Variants in SLC25A40 observed in about 807,000 individuals in gnomAD.
SLC25A40 encodes the protein mitochondrial glutathione transporter SLC25A40.
Under a neutral mutation model 46.5 loss-of-function variants are expected in SLC25A40, and 41 were observed. The observed-to-expected ratio is 0.88, with a 90% CI of 0.69 to 1.14. The LOEUF (loss-of-function observed/expected upper bound fraction) is 1.14, where lower values mean the gene tolerates loss of function less well. SLC25A40 is among the 50% of genes most tolerant of loss of function. The probability of loss-of-function intolerance (pLI) is 0.00; values close to 1 mark genes in which losing one functional copy is unlikely to be tolerated. For synonymous variants in SLC25A40, 126 were observed against 127.5 expected (o/e 0.99, Z 0.08); for missense variants, 386 against 393.6 (o/e 0.98, Z 0.16).
chr7:87,844,012 T>G (rs1002657545), intron 8 of SLC25A40, 149 bp from the exon 9 acceptor site: 26 of 1,314,124 alleles, frequency 2.0e-5, no homozygotes, highest in Non-Finnish European at 2.5e-5. Flanking sequence ...AGGGTGGGAT[T>G]TCTTTTTTTA....
chr7:87,843,117 T>C (rs79526905), intron 9 of SLC25A40, among the ~76,000 whole-genome samples: 2,688 of 152,136 alleles, frequency 0.018, 60 homozygotes, highest in African/African-American at 0.061. Flanking sequence ...TGTGTTATTG[T>C]CTCACTACAA....
chr7:87,861,662 G>A lies in SLC25A40; in HGVS notation c.-93-1022C>T, dbSNP rs1838700675. On this transcript the variant is annotated intron_variant, in intron 1 of 11. Transcript: ENST00000341119. The stretch of plus-strand genomic sequence containing the variant: ...ATATTTGTAACATTCATTTAAATGA[G>A]CTCCTTTAAGTGGAAAAATAATATA... Among the ~76,000 whole-genome samples the A allele has an allele frequency of 2.0e-5, 3 of 152,152 alleles. No homozygotes were observed. In the South Asian group the frequency reaches 6.2e-4, roughly 32 times the overall value.
chr7:87,835,102 A>G lies in SLC25A40; in HGVS notation c.*1147T>C, dbSNP rs1027481974. The G allele has an allele frequency of 4.6e-5, 7 of 151,454 alleles. No individual in the cohort carries two copies. Among genetic ancestry groups the G allele is most frequent in the Admixed American group, 3.3e-4 (5 of 15,152 alleles). 9.4% of individuals were successfully genotyped at this position (151,454 alleles called of 1,614,324 possible). On this transcript the variant is annotated 3_prime_UTR_variant, in exon 12 of 12. Transcript: ENST00000341119. Reference sequence around the variant, plus strand: ...TTAGTGCTTTAAAAAATATATATATATAGGATATAGATCCTAAGAAAATAA... The same window carrying G: ...TTAGTGCTTTAAAAAATATATATATGTAGGATATAGATCCTAAGAAAATAA...
intron 1 of SLC25A40, among the ~76,000 whole-genome samples, chr7:87,868,244 G>C (rs151026676): frequency 1.9e-4 from 29 of 152,270 alleles, no homozygotes; most frequent in African/African-American, 7.0e-4. Context: ...CTGTGCACTT[G>C]GTGCCAGAAG....
At position 87,835,760 on chromosome 7, in the gene SLC25A40, G is replaced by C. The variant is rs1210191524; in HGVS notation, c.*489C>G. On this transcript the variant is annotated 3_prime_UTR_variant, in exon 12 of 12. Transcript: ENST00000341119. ...AATGCATTTGAATTAAAGGAAACAG[G>C]CAATATTTGGTCGATGTAAACAATG... is the stretch of plus-strand genomic sequence containing the variant. The C allele has an allele frequency of 1.3e-5, 2 of 152,074 alleles. No homozygotes were observed. The highest frequency in any genetic ancestry group is 4.1e-4 in the South Asian group (2 of 4,848). 9.4% of individuals were successfully genotyped at this position (152,074 alleles called of 1,614,324 possible). A position where few individuals can be genotyped will look rare whatever the true frequency, so the allele number is the denominator to read the frequency against.
intron 1 of SLC25A40, among the ~76,000 whole-genome samples, chr7:87,871,420 C>G (rs887415708): frequency 7.2e-5 from 11 of 152,212 alleles, no homozygotes; most frequent in Admixed American, 1.3e-4. Flanking sequence ...AATGCAACCT[C>G]AGCCAACACC....
intron 1 of SLC25A40, among the ~76,000 whole-genome samples, chr7:87,873,463 C>T (rs1051758389): frequency 7.9e-5 from 11 of 138,640 alleles, no homozygotes; most frequent in Middle Eastern, 4.3e-3. Flanking sequence ...GAGGGAGTCT[C>T]GCTCTGTTGC....
intron 5 of SLC25A40, among the ~76,000 whole-genome samples, chr7:87,850,642 C>T (rs1374183580): frequency 6.6e-6 from 1 of 151,964 alleles, no homozygotes; most frequent in Non-Finnish European, 1.5e-5. Context: ...GTGACGCACT[C>T]CTGTGGTCCC....
intron 5 of SLC25A40, among the ~76,000 whole-genome samples, chr7:87,853,543 A>C (rs1838552531): frequency 6.6e-6 from 1 of 151,704 alleles, no homozygotes; most frequent in Non-Finnish European, 1.5e-5. Context: ...TCTGGAAAAA[A>C]CTCTGAAAAT....
At chr7:87,871,706 T>C (rs1838898620) in intron 1 of SLC25A40, among the ~76,000 whole-genome samples, 1 of 152,232 alleles carries the variant, frequency 6.6e-6, no homozygotes. Context: ...TTGGTTTTCA[T>C]TTGTTAAATT....
chr7:87,866,410 T>C (rs12538627), intron 1 of SLC25A40, among the ~76,000 whole-genome samples: 4,084 of 152,328 alleles, frequency 0.027, 121 homozygotes, highest in East Asian at 0.092. Context: ...TGTTGCCAGA[T>C]GAATTGGAGT....
At position 87,865,187 on chromosome 7, in the gene SLC25A40, C is replaced by T. The variant is rs570704496; in HGVS notation, c.-93-4547G>A. Among the ~76,000 whole-genome samples the T allele has an allele frequency of 1.2e-4, 18 of 151,928 alleles. No homozygotes were observed. In the South Asian group the frequency reaches 3.3e-3, roughly 28 times the overall value. On this transcript the variant is annotated intron_variant, in intron 1 of 11. Transcript: ENST00000341119. ...TTAGTGTATCTACAATAAGTTTTTC[C>T]ATTGTGGTTGGCATGAATTTTAAAA...
intron 1 of SLC25A40, among the ~76,000 whole-genome samples, chr7:87,875,728 A>G (rs148820288): frequency 3.9e-5 from 6 of 152,354 alleles, no homozygotes; most frequent in Non-Finnish European, 8.8e-5. Context: ...GAATACAATA[A>G]AAGTCAACAG....
Position 87,856,281 on chromosome 7 carries a change from A to G in SLC25A40, c.157+11T>C. The G allele has an allele frequency of 6.3e-7, 1 of 1,594,644 alleles. No homozygotes were observed. The highest frequency in any genetic ancestry group is 8.6e-7 in the Non-Finnish European group (1 of 1,167,984). On this transcript the variant is annotated intron_variant, in intron 4 of 11. Coordinates refer to ENST00000341119, the MANE Select transcript of SLC25A40 (RefSeq NM_018843.4). ...CAAACATAACATTTTTAGGGCAATTAGTACACATACCTTTGGGGAGTGGGT... is the reference window on the plus strand; with the variant it reads ...CAAACATAACATTTTTAGGGCAATTGGTACACATACCTTTGGGGAGTGGGT...
chr7:87,868,791 G>A (rs899587647), intron 1 of SLC25A40, among the ~76,000 whole-genome samples: 5 of 152,098 alleles, frequency 3.3e-5, no homozygotes, highest in Non-Finnish European at 2.9e-5. Context: ...TTTTTATGAA[G>A]GCTTCATGAT....
intron 4 of SLC25A40, among the ~76,000 whole-genome samples, chr7:87,856,004 G>T (rs1330009504): frequency 2.6e-5 from 4 of 152,084 alleles, no homozygotes; most frequent in Admixed American, 6.5e-5. Flanking sequence ...GAGTAAGCTG[G>T]ATTCTAAGGT....
chr7:87,873,615 T>C (rs1469139588), intron 1 of SLC25A40, among the ~76,000 whole-genome samples: 1 of 151,914 alleles, frequency 6.6e-6, no homozygotes, highest in Non-Finnish European at 1.5e-5. Context: ...GTATTGTTAG[T>C]ACAGCCAGAG....
chr7:87,848,873 G>C (rs1838462609), intron 6 of SLC25A40, among the ~76,000 whole-genome samples: 1 of 152,156 alleles, frequency 6.6e-6, no homozygotes. Context: ...GAGCAGGACT[G>C]ACTGGTGGGG....
chr7:87,833,581 A>ATCTT lies in SLC25A40; in HGVS notation c.*2664_*2667dup, dbSNP rs1554502278. The ATCTT allele has an allele frequency of 2.6e-5, 4 of 151,904 alleles. No individual in the cohort carries two copies. Among genetic ancestry groups the ATCTT allele is most frequent in the Admixed American group, 6.6e-5 (1 of 15,196 alleles). The allele number at this position is 151,904 out of a possible 1,614,324, so 9.4% of individuals were successfully genotyped here. ...ACAGATTAAATATAAAAGCAGTAAT[A>ATCTT]TCTTTTATTTAAAAAGTTCATCTTA... is the stretch of plus-strand genomic sequence containing the variant. On this transcript the variant is annotated 3_prime_UTR_variant, in exon 12 of 12. Coordinates refer to ENST00000341119, the MANE Select transcript of SLC25A40 (RefSeq NM_018843.4).
Sources: gnomAD v4.1 joint callset for allele counts (sites outside exome capture counted in the v4.1 genomes callset) on GRCh38, gnomAD v4.1.1 for gene constraint, MANE v1.5 for transcripts, NCBI Gene and HGNC (gene_info 2026-07-23, HGNC 2026-07-21) for gene names.